The following EPB41L2 variants were observed in gnomAD, a reference collection of about 807,000 sequenced individuals.
EPB41L2 encodes band 4.1-like protein 2.
A neutral mutation model predicts 113.0 loss-of-function variants in EPB41L2; 43 were observed. That is an observed-to-expected ratio of 0.38 (90% CI 0.30 to 0.49). The LOEUF is 0.49. EPB41L2 is among the 20% of genes least tolerant of loss of function. EPB41L2 has a pLI of 0.95. For synonymous variants in EPB41L2, 442 were observed against 436.7 expected (o/e 1.01, Z -0.15); for missense variants, 1,147 against 1,223.4 (o/e 0.94, Z 0.93).
At chr6:130,841,674 G>A (rs1454836985) in intron 19 of EPB41L2, among the ~76,000 whole-genome samples, 6 of 152,214 alleles carry the variant, frequency 3.9e-5, no homozygotes, top group Non-Finnish European at 5.9e-5. Flanking sequence ...TCAGAGTGTG[G>A]TGGTTAAGAA....
intron 3 of EPB41L2, among the ~76,000 whole-genome samples, chr6:130,944,042 A>G (rs1259632131): frequency 6.6e-6 from 1 of 152,146 alleles, no homozygotes; most frequent in Non-Finnish European, 1.5e-5. Flanking sequence ...CATTTACAAT[A>G]AGCCTTTGAA....
At chr6:131,040,593 C>G (rs1397447998) in intron 1 of EPB41L2, among the ~76,000 whole-genome samples, 1 of 152,116 alleles carries the variant, frequency 6.6e-6, no homozygotes, top group African/African-American at 2.4e-5. Flanking sequence ...TCAAAGACGT[C>G]AAGGAACTAA....
chr6:130,869,262 T>G (rs1784870606), intron 15 of EPB41L2, among the ~76,000 whole-genome samples: 1 of 152,010 alleles, frequency 6.6e-6, no homozygotes, highest in African/African-American at 2.4e-5. Context: ...GACAAAACAG[T>G]TGAAAACACC....
chr6:131,006,754 A>G (rs890947602), intron 1 of EPB41L2, among the ~76,000 whole-genome samples: 2 of 152,018 alleles, frequency 1.3e-5, no homozygotes, highest in Admixed American at 6.6e-5. Context: ...CTCTAATACT[A>G]GGTTTTGAAA....
intron 8 of EPB41L2, among the ~76,000 whole-genome samples, chr6:130,897,196 T>C (rs939306404): frequency 1.1e-4 from 17 of 151,814 alleles, no homozygotes; most frequent in Non-Finnish European, 4.4e-5. Context: ...CATCCTAACA[T>C]GAATATGACA....
intron 3 of EPB41L2, among the ~76,000 whole-genome samples, chr6:130,950,209 C>T (rs1230517841): frequency 6.6e-6 from 1 of 151,960 alleles, no homozygotes; most frequent in Non-Finnish European, 1.5e-5. Context: ...AGAAAAAGCA[C>T]AGTTATCCCA....
At chr6:130,927,776 C>G (rs1311695967) in intron 3 of EPB41L2, among the ~76,000 whole-genome samples, 1 of 152,154 alleles carries the variant, frequency 6.6e-6, no homozygotes, top group Admixed American at 6.6e-5. Flanking sequence ...GAATGCCACA[C>G]AGATAACATT....
intron 1 of EPB41L2, among the ~76,000 whole-genome samples, chr6:130,990,987 T>C (rs924397229): frequency 3.4e-5 from 5 of 146,488 alleles, no homozygotes; most frequent in Admixed American, 3.4e-4. Flanking sequence ...CCACCAAGCC[T>C]GGCTAATGTT....
chr6:130,852,088 T>C (rs1778913023), intron 19 of EPB41L2, among the ~76,000 whole-genome samples: 1 of 152,234 alleles, frequency 6.6e-6, no homozygotes, highest in South Asian at 2.1e-4. Flanking sequence ...ATTCTCATTT[T>C]TATTGGACTC....
rs17059760 is a variant in EPB41L2 at position 130,883,934 on chromosome 6, G to T, written c.1833+1162C>A. On this transcript the variant is annotated intron_variant, in intron 12 of 19. Coordinates refer to ENST00000337057, the MANE Select transcript of EPB41L2 (RefSeq NM_001431.4). Reference sequence around the variant, plus strand: ...GTCCCTGAGACCTTCTCCATGCTGGGCCTCAGAGGCTATCAGTGTAGGAAT... The same window carrying T: ...GTCCCTGAGACCTTCTCCATGCTGGTCCTCAGAGGCTATCAGTGTAGGAAT... Among the ~76,000 whole-genome samples, 3,027 of 152,248 alleles carry T rather than the reference G, an allele frequency of 0.02. 199 individuals are homozygous for T. In the East Asian group the frequency reaches 0.26, roughly 13 times the overall value.
intron 14 of EPB41L2, among the ~76,000 whole-genome samples, chr6:130,873,707 C>T (rs1786528325): frequency 6.6e-6 from 1 of 152,178 alleles, no homozygotes; most frequent in African/African-American, 2.4e-5. Context: ...TTCAGGTGAT[C>T]TATCCTCCTC....
chr6:131,059,676 G>A (rs1442539837), intron 1 of EPB41L2, among the ~76,000 whole-genome samples: 1 of 152,206 alleles, frequency 6.6e-6, no homozygotes. Context: ...TGCATGTTGA[G>A]AGGAAGAGAC....
intron 3 of EPB41L2, among the ~76,000 whole-genome samples, chr6:130,934,562 T>C (rs889774416): frequency 1.3e-5 from 2 of 152,130 alleles, no homozygotes; most frequent in African/African-American, 4.8e-5. Flanking sequence ...AGCCTCAAAC[T>C]TCTAGGCTCA....
At chr6:130,845,573 C>T (rs1202079741) in intron 19 of EPB41L2, among the ~76,000 whole-genome samples, 1 of 152,026 alleles carries the variant, frequency 6.6e-6, no homozygotes, top group Non-Finnish European at 1.5e-5. Context: ...TGGACACAAG[C>T]TCTTGCTATA....
At position 130,922,189 on chromosome 6, in the gene EPB41L2, G is replaced by A. The variant is rs549289269; in HGVS notation, c.810+4416C>T. 3.3e-5 allele frequency among the ~76,000 whole-genome samples: 5 copies of A among 152,330 alleles called. No homozygotes were observed. In the South Asian group the frequency reaches 1.0e-3, roughly 32 times the overall value. On this transcript the variant is annotated intron_variant, in intron 4 of 19. Coordinates refer to ENST00000337057, the MANE Select transcript of EPB41L2 (RefSeq NM_001431.4). ...CAAAGGAAGAAGTCTCTTTTGAGCA[G>A]CACTGGCACAGACCATCACAGAATC...
At chr6:131,043,533 A>T (rs1168365562) in intron 1 of EPB41L2, among the ~76,000 whole-genome samples, 2 of 152,192 alleles carry the variant, frequency 1.3e-5, no homozygotes, top group Non-Finnish European at 2.9e-5. Context: ...AATTGCAGGA[A>T]GGATATAGGA....
chr6:130,862,031 G>T (rs1410743036), intron 18 of EPB41L2, among the ~76,000 whole-genome samples: 1 of 152,146 alleles, frequency 6.6e-6, no homozygotes, highest in East Asian at 1.9e-4. Context: ...AGCAGTTAAG[G>T]CTGCTGGGTC....
rs141072781 is a variant in EPB41L2 at position 131,040,259 on chromosome 6, G to A, written c.-15+22896C>T. On this transcript the variant is annotated intron_variant, in intron 1 of 19. Coordinates refer to ENST00000337057, the MANE Select transcript of EPB41L2 (RefSeq NM_001431.4). ...TCGAGACCAGCCTGGCCAACATGGC[G>A]AAACCCCATCTCTACTAAAAATACA... Among the ~76,000 whole-genome samples, 1,807 of 152,240 alleles carry A rather than the reference G, an allele frequency of 0.012. 193 individuals are homozygous for A. The East Asian group carries it at 0.27, about 23-fold the overall frequency.
intron 1 of EPB41L2, among the ~76,000 whole-genome samples, chr6:130,985,487 A>C (rs1780344780): frequency 6.6e-6 from 1 of 152,222 alleles, no homozygotes; most frequent in African/African-American, 2.4e-5. Flanking sequence ...ACCAGTGCAT[A>C]AGCTAGATTC....
Sources: gnomAD v4.1 joint callset for allele counts (sites outside exome capture counted in the v4.1 genomes callset) on GRCh38, gnomAD v4.1.1 for gene constraint, MANE v1.5 for transcripts, NCBI Gene and HGNC (gene_info 2026-07-23, HGNC 2026-07-21) for gene names.